PRIM2: variants seen among roughly 807,000 people sequenced by gnomAD.
The protein encoded by PRIM2 is DNA primase subunit 2, also known as DNA primase large subunit.
In PRIM2, 39 loss-of-function variants were observed where a neutral mutation model predicts 67.3. The observed-to-expected ratio is 0.58, with a 90% CI of 0.45 to 0.76. The LOEUF (loss-of-function observed/expected upper bound fraction) is 0.76, where lower values mean the gene tolerates loss of function less well. Ranked by LOEUF, PRIM2 falls within the 30% of genes least tolerant of loss-of-function variation. The probability of loss-of-function intolerance (pLI) is 0.00; values close to 1 mark genes in which losing one functional copy is unlikely to be tolerated. For synonymous variants in PRIM2, 143 were observed against 198.7 expected (o/e 0.72, Z 2.36); for missense variants, 398 against 598.7 (o/e 0.66, Z 3.50).
At chr6:57,248,750 A>G in the PRIM2 span, among the ~76,000 whole-genome samples, 1 of 152,194 alleles carries the variant, frequency 6.6e-6, no homozygotes, top group African/African-American at 2.4e-5. Context: ...CCCCTCGGAA[A>G]AAGGAGGGGC....
intron 5 of PRIM2, among the ~76,000 whole-genome samples, chr6:57,350,036 T>C (rs6924472): frequency 6.6e-6 from 1 of 152,300 alleles, no homozygotes; most frequent in South Asian, 2.1e-4. Flanking sequence ...ATATACAGAG[T>C]TCAAAGCTCT....
intron 8 of PRIM2, among the ~76,000 whole-genome samples, chr6:57,527,713 C>A (rs1444166304): frequency 1.3e-5 from 2 of 152,084 alleles, no homozygotes; most frequent in African/African-American, 4.8e-5. Flanking sequence ...TCTAACAATC[C>A]CCCTGCCCCC....
At chr6:57,306,932 G>A in the PRIM2 span, among the ~76,000 whole-genome samples, 1 of 152,174 alleles carries the variant, frequency 6.6e-6, no homozygotes, top group Non-Finnish European at 1.5e-5. Flanking sequence ...CAGGCGTAGT[G>A]GCTCATGCCT....
chr6:57,435,363 A>G (rs1189793596), intron 7 of PRIM2, among the ~76,000 whole-genome samples: 7 of 152,098 alleles, frequency 4.6e-5, no homozygotes, highest in Non-Finnish European at 7.4e-5. Context: ...GAACTGTATG[A>G]CCAGTCCTGT....
chr6:57,391,185 T>C (rs1382862722), intron 7 of PRIM2, among the ~76,000 whole-genome samples: 2 of 147,158 alleles, frequency 1.4e-5, no homozygotes, highest in East Asian at 1.9e-4. Context: ...ATGTATGTCC[T>C]CTTTAGAGAA....
chr6:57,412,297 A>T (rs1389011570), intron 7 of PRIM2, among the ~76,000 whole-genome samples: 2 of 152,106 alleles, frequency 1.3e-5, no homozygotes, highest in Non-Finnish European at 2.9e-5. Flanking sequence ...TGGATTTAGA[A>T]TATTTGTCTA....
chr6:57,518,472 G>A (rs1554348492), intron 8 of PRIM2, among the ~76,000 whole-genome samples: 15,103 of 152,112 alleles, frequency 0.099, 934 homozygotes, highest in African/African-American at 0.17. Context: ...ATTAGATGAA[G>A]GAATTTGGCC....
chr6:57,324,483 T>A (rs2127273850), intron 4 of PRIM2, among the ~76,000 whole-genome samples: 1 of 152,328 alleles, frequency 6.6e-6, no homozygotes, highest in East Asian at 1.9e-4. Flanking sequence ...TATCGCAGAA[T>A]TTTGCCTGAT....
intron 7 of PRIM2, among the ~76,000 whole-genome samples, chr6:57,387,107 G>A (rs2127344055): frequency 6.6e-6 from 1 of 152,280 alleles, no homozygotes; most frequent in Admixed American, 6.5e-5. Flanking sequence ...ATTGTGCTAA[G>A]TATATCTCCT....
At chr6:57,593,044 C>G (rs1776308627) in intron 10 of PRIM2, among the ~76,000 whole-genome samples, 1 of 152,082 alleles carries the variant, frequency 6.6e-6, no homozygotes, top group Non-Finnish European at 1.5e-5. Flanking sequence ...TAAAGGTGTG[C>G]CTGCTTTACA....
chr6:57,280,898 G>A, the PRIM2 span, among the ~76,000 whole-genome samples: 1 of 151,952 alleles, frequency 6.6e-6, no homozygotes, highest in African/African-American at 2.4e-5. Flanking sequence ...GTATATTTCA[G>A]TGTTATTAAA....
chr6:57,561,360 T>C (rs1366015239), intron 10 of PRIM2, among the ~76,000 whole-genome samples: 9 of 152,150 alleles, frequency 5.9e-5, no homozygotes, highest in Non-Finnish European at 1.2e-4. Flanking sequence ...GCCTCCTGAG[T>C]AGCTGGGACT....
In PRIM2 at chr6:57,518,317, A is replaced by C. The variant is rs1554348474; in HGVS notation, c.761+10863A>C. ...CAGGTCTTACTGAGGTGTGTCCTTA[A>C]TCATCCAATGTAAAGTCACCCTCAC... On this transcript the variant is annotated intron_variant, in intron 8 of 13. Coordinates refer to ENST00000615550, the MANE Select transcript of PRIM2 (RefSeq NM_000947.5). 2.6e-5 allele frequency among the ~76,000 whole-genome samples: 4 copies of C among 152,344 alleles called. No individual in the cohort carries two copies. In the South Asian group the frequency reaches 8.3e-4, roughly 32 times the overall value.
chr6:57,565,781 A>C (rs1775724612), intron 10 of PRIM2, among the ~76,000 whole-genome samples: 1 of 152,176 alleles, frequency 6.6e-6, no homozygotes, highest in Non-Finnish European at 1.5e-5. Flanking sequence ...ATACCTATAC[A>C]CAGCAGTATG....
At chr6:57,325,569 C>T (rs1344182910) in intron 4 of PRIM2, among the ~76,000 whole-genome samples, 9 of 152,272 alleles carry the variant, frequency 5.9e-5, no homozygotes, top group Middle Eastern at 3.4e-3. Context: ...GCTGGGATTA[C>T]GGGCATGAAC....
intron 8 of PRIM2, among the ~76,000 whole-genome samples, chr6:57,508,667 C>T (rs1774298089): frequency 6.6e-6 from 1 of 152,176 alleles, no homozygotes; most frequent in Non-Finnish European, 1.5e-5. Context: ...TAACTATACT[C>T]TGAACAAGAT....
At chr6:57,368,951 AC>A (rs1157572865) in intron 5 of PRIM2, among the ~76,000 whole-genome samples, 21 of 152,188 alleles carry the variant, frequency 1.4e-4, no homozygotes, top group African/African-American at 5.1e-4. Flanking sequence ...GTATACCGGA[AC>A]TTCACCAGTT....
At chr6:57,596,807 TATATAGGGCATC>T (rs1776376080) in intron 10 of PRIM2, among the ~76,000 whole-genome samples, 1 of 152,040 alleles carries the variant, frequency 6.6e-6, no homozygotes, top group South Asian at 2.1e-4. Flanking sequence ...CACTATACTC[TATATAGGGCATC>T]ATTTAAACTC....
At chr6:57,530,397 G>T (rs1774861909) in intron 8 of PRIM2, among the ~76,000 whole-genome samples, 3 of 152,252 alleles carry the variant, frequency 2.0e-5, no homozygotes, top group African/African-American at 7.2e-5. Context: ...TTTCCTCTGG[G>T]ATCATCTCCA....
Sources: allele counts gnomAD v4.1 joint callset (sites outside exome capture counted in the v4.1 genomes callset), GRCh38; gene constraint gnomAD v4.1.1; transcripts MANE v1.5; gene names NCBI Gene and HGNC (gene_info 2026-07-23, HGNC 2026-07-21).